DTL: variants seen among roughly 807,000 people sequenced by gnomAD.
DTL encodes the protein denticleless E3 ubiquitin protein ligase adapter, also known as denticleless protein homolog.
In DTL, 46 loss-of-function variants were observed where a neutral mutation model predicts 87.0. The ratio of observed to expected loss-of-function variants is 0.53; its 90% CI spans 0.42 to 0.68. The LOEUF (loss-of-function observed/expected upper bound fraction) is 0.68. DTL is among the 30% of genes least tolerant of loss of function. DTL has a pLI of 0.00. For missense variants in DTL, 737 were observed against 869.4 expected (o/e 0.85, Z 1.91); for synonymous variants, 308 against 311.2 (o/e 0.99, Z 0.11).
chr1:212,063,895 G>GT (rs36083602), intron 6 of DTL, among the ~76,000 whole-genome samples: 55,192 of 138,630 alleles, frequency 0.4, 11,243 homozygotes, highest in East Asian at 0.57. Context: ...TTTGTTTCTT[G>GT]TTTTTTTTTT....
At chr1:212,047,084 G>T (rs1667828375) in intron 3 of DTL, 67 bp from the exon 4 acceptor site, 2 of 1,450,416 alleles carry the variant, frequency 1.4e-6, no homozygotes, top group African/African-American at 1.4e-5. Flanking sequence ...GGCATTTAAA[G>T]TTATATTAAT....
At chr1:212,086,705 T>A (rs1655140570) in intron 13 of DTL, among the ~76,000 whole-genome samples, 1 of 152,226 alleles carries the variant, frequency 6.6e-6, no homozygotes, top group Admixed American at 6.5e-5. Flanking sequence ...CTTTCTATGT[T>A]ATCTTTTTTG....
Position 212,043,010 on chromosome 1 carries a change from C to T in DTL, c.70C>T (p.Pro24Ser). Residue 24 changes from proline (P) to serine (S), a missense_variant, in exon 2 of 15, where the codon CCT becomes TCT. Physicochemically the swap from Pro to Ser is moderately conservative, Grantham distance 74. Transcript: ENST00000366991. ...VLRNGWSSQY[P>S]LQSLLTGYQC... ...TGTTTTAGGATGGTCTTCACAATAC[C>T]CTCTTCAATCCCTTCTGACTGGTTA... 1.9e-6 allele frequency: 3 copies of T among 1,608,114 alleles called. No homozygotes were observed. Among genetic ancestry groups the T allele is most frequent in the Non-Finnish European group, 2.5e-6 (3 of 1,177,262 alleles).
chr1:212,099,165 C>G (rs1218923247), intron 13 of DTL, among the ~76,000 whole-genome samples: 1 of 152,198 alleles, frequency 6.6e-6, no homozygotes, highest in Non-Finnish European at 1.5e-5. Flanking sequence ...CTCCCATGAT[C>G]TGGATCCTCA....
chr1:212,090,492 C>T (rs920218719), intron 13 of DTL, among the ~76,000 whole-genome samples: 3 of 151,914 alleles, frequency 2.0e-5, no homozygotes, highest in Non-Finnish European at 4.4e-5. Flanking sequence ...TAAATAAATA[C>T]CCTTGTTATT....
chr1:212,051,349 CTGA>C (rs1299840352), intron 5 of DTL, among the ~76,000 whole-genome samples: 1 of 146,100 alleles, frequency 6.8e-6, no homozygotes, highest in East Asian at 2.1e-4. Flanking sequence ...TAGTGTGAGT[CTGA>C]TGGTAATAAT....
chr1:212,051,913 G>C, intron 5 of DTL: 1 of 957,740 alleles, frequency 1.0e-6, no homozygotes, highest in Non-Finnish European at 1.7e-6. Context: ...TTATAGATTC[G>C]CATATATGTG....
intron 13 of DTL, among the ~76,000 whole-genome samples, chr1:212,096,604 A>G (rs1430663386): frequency 6.6e-6 from 1 of 152,116 alleles, no homozygotes; most frequent in Non-Finnish European, 1.5e-5. Flanking sequence ...GAATTTTTTT[A>G]ATTTCCAGCT....
chr1:212,050,721 AG>A (rs767169827), intron 5 of DTL, among the ~76,000 whole-genome samples: 91,929 of 151,994 alleles, frequency 0.6, 28,304 homozygotes, highest in Non-Finnish European at 0.66. Flanking sequence ...TCTCCTTAGG[AG>A]AAGATATTTG....
rs1214685369 is a variant in DTL, at chr1:212,103,672, A to G, written c.*732A>G. 1 of 152,176 alleles carries G rather than the reference A, an allele frequency of 6.6e-6. No homozygotes were observed. Among genetic ancestry groups the G allele is most frequent in the Non-Finnish European group, 1.5e-5 (1 of 68,024 alleles). 9.4% of individuals were successfully genotyped at this position (152,176 alleles called of 1,614,324 possible). ...GATTTCAGGTCCCCATGTTTTCACC[A>G]AGCAATCTGCTATGTCAGCCAACCC... On this transcript the variant is annotated 3_prime_UTR_variant, in exon 15 of 15. Coordinates refer to ENST00000366991, the MANE Select transcript of DTL (RefSeq NM_016448.4).
intron 2 of DTL, among the ~76,000 whole-genome samples, chr1:212,044,046 G>A (rs1320522670): frequency 6.6e-6 from 1 of 152,040 alleles, no homozygotes; most frequent in Admixed American, 6.5e-5. Context: ...CTGAGATCAC[G>A]CCACTGCATT....
chr1:212,041,762 T>G (rs3010024), intron 1 of DTL, among the ~76,000 whole-genome samples: 83,168 of 152,004 alleles, frequency 0.55, 23,066 homozygotes, highest in Middle Eastern at 0.6. Flanking sequence ...CGCCTGCCTC[T>G]GCCTCCCGAA....
rs374887007 is a variant in DTL, at chr1:212,041,507, C to CG, written c.53-1479dup. 6.7e-4 allele frequency among the ~76,000 whole-genome samples: 72 copies of CG among 106,686 alleles called. 1 individual carries two copies. The highest frequency in any genetic ancestry group is 1.6e-3 in the African/African-American group (41 of 26,166). 70.0% of individuals were successfully genotyped at this position (106,686 alleles called of 152,430 possible). Reference sequence around the variant, plus strand: ...CTCAACATAACTATTGCATTTTTGGCGGGGGGGTGGGGGGTGGGGACGGAG... The same window carrying CG: ...CTCAACATAACTATTGCATTTTTGGCGGGGGGGGTGGGGGGTGGGGACGGAG... On this transcript the variant is annotated intron_variant, in intron 1 of 14. Coordinates refer to ENST00000366991, the MANE Select transcript of DTL (RefSeq NM_016448.4).
chr1:212,071,006 G>A (rs145979638), intron 10 of DTL, among the ~76,000 whole-genome samples: 1 of 152,274 alleles, frequency 6.6e-6, no homozygotes, highest in African/African-American at 2.4e-5. Flanking sequence ...TTAGAACAAT[G>A]TTCAGAATAA....
chr1:212,044,602 G>GAAAGA, intron 2 of DTL, 58 bp from the exon 3 acceptor site: 1 of 887,544 alleles, frequency 1.1e-6, no homozygotes, highest in Non-Finnish European at 1.7e-6. Flanking sequence ...GACTCCGTCT[G>GAAAGA]AAAAAAAAAA....
chr1:212,100,015 G>A (rs992600194), intron 13 of DTL, among the ~76,000 whole-genome samples: 2 of 151,938 alleles, frequency 1.3e-5, no homozygotes, highest in East Asian at 1.9e-4. Flanking sequence ...TATGTTTTTC[G>A]GTATTTTGTC....
At chr1:212,041,124 A>G (rs538241754) in intron 1 of DTL, among the ~76,000 whole-genome samples, 22 of 152,312 alleles carry the variant, frequency 1.4e-4, no homozygotes, top group African/African-American at 5.3e-4. Flanking sequence ...TTACAGTTTC[A>G]TGTTCATAAC....
chr1:212,069,574 T>C (rs1018447402), intron 10 of DTL, among the ~76,000 whole-genome samples: 5 of 151,708 alleles, frequency 3.3e-5, no homozygotes, highest in African/African-American at 1.2e-4. Flanking sequence ...GAGACGGAGT[T>C]TCACTCTGTT....
At chr1:212,059,687 G>C (rs1045088682) in intron 5 of DTL, among the ~76,000 whole-genome samples, 2 of 135,320 alleles carry the variant, frequency 1.5e-5, no homozygotes, top group Admixed American at 1.7e-4. Context: ...TCAGGCCAGA[G>C]AAAGAAGTAA....
Sources: allele counts gnomAD v4.1 joint callset (sites outside exome capture counted in the v4.1 genomes callset), GRCh38; gene constraint gnomAD v4.1.1; transcripts MANE v1.5; gene names NCBI Gene and HGNC (gene_info 2026-07-23, HGNC 2026-07-21).